Variants in HTR4 observed in about 807,000 individuals in gnomAD.
The protein encoded by HTR4 is 5-hydroxytryptamine receptor 4, also known as 5-hydroxytryptamine (serotonin) receptor 4, G protein-coupled.
A neutral mutation model predicts 36.8 loss-of-function variants in HTR4; 16 were observed. That is an observed-to-expected ratio of 0.43 (90% CI 0.29 to 0.66). The LOEUF is 0.66. Ranked by LOEUF, HTR4 falls within the 30% of genes least tolerant of loss-of-function variation. The pLI, the probability that HTR4 is intolerant of heterozygous loss-of-function variation, is 0.13. For missense variants in HTR4, 438 were observed against 490.9 expected (o/e 0.89, Z 1.02); for synonymous variants, 189 against 185.1 (o/e 1.02, Z -0.17).
At chr5:148,651,668 C>CTGCATG (rs1316954844) in intron 1 of HTR4, among the ~76,000 whole-genome samples, 4 of 151,660 alleles carry the variant, frequency 2.6e-5, no homozygotes, top group Non-Finnish European at 4.4e-5. Flanking sequence ...TCCTGAACTA[C>CTGCATG]TGCATGCTGT....
intron 1 of HTR4, among the ~76,000 whole-genome samples, chr5:148,650,297 G>A (rs1389131785): frequency 6.6e-6 from 1 of 152,082 alleles, no homozygotes; most frequent in Admixed American, 6.6e-5. Context: ...CTGTGAACTT[G>A]TTGACATAGC....
At chr5:148,505,170 C>T (rs1247334638) in intron 6 of HTR4, among the ~76,000 whole-genome samples, 2 of 152,148 alleles carry the variant, frequency 1.3e-5, no homozygotes, top group Non-Finnish European at 2.9e-5. Context: ...AAAGCTTATC[C>T]ACCATAATCA....
intron 6 of HTR4, chr5:148,484,393 A>C (rs1561571499): frequency 8.7e-6 from 14 of 1,606,896 alleles, no homozygotes; most frequent in Non-Finnish European, 1.1e-5. Flanking sequence ...GCAGATAAAG[A>C]AATTATTTGG....
At chr5:148,522,206 T>G (rs535926009) in intron 5 of HTR4, among the ~76,000 whole-genome samples, 2 of 152,278 alleles carry the variant, frequency 1.3e-5, no homozygotes, top group East Asian at 3.9e-4. Flanking sequence ...GAACTGTGAG[T>G]CCATTAAGCC....
chr5:148,574,573 T>C (rs75682627), intron 2 of HTR4, among the ~76,000 whole-genome samples: 3,359 of 152,180 alleles, frequency 0.022, 128 homozygotes, highest in African/African-American at 0.076. Flanking sequence ...TTCAAAAAGA[T>C]TAATTTGATT....
chr5:148,622,719 G>T (rs889165311), intron 2 of HTR4, among the ~76,000 whole-genome samples: 1 of 152,058 alleles, frequency 6.6e-6, no homozygotes, highest in Non-Finnish European at 1.5e-5. Context: ...CCCTTATTTT[G>T]CTAGATATTG....
At chr5:148,468,883 T>A (rs186523151) in intron 5 of HTR4, among the ~76,000 whole-genome samples, 1 of 152,248 alleles carries the variant, frequency 6.6e-6, no homozygotes, top group Non-Finnish European at 1.5e-5. Context: ...TCATGAGATC[T>A]GATAGTTTTA....
intron 2 of HTR4, among the ~76,000 whole-genome samples, chr5:148,619,685 G>A (rs1752843545): frequency 6.6e-6 from 1 of 152,136 alleles, no homozygotes; most frequent in African/African-American, 2.4e-5. Context: ...CCACAGAGGA[G>A]GATGTCCCCA....
chr5:148,490,605 C>T, intron 6 of HTR4: 1 of 1,166,786 alleles, frequency 8.6e-7, no homozygotes, highest in South Asian at 1.7e-5. Flanking sequence ...CTCACCTCTT[C>T]CCCAGAAATG....
At chr5:148,600,599 C>A (rs951048335) in intron 2 of HTR4, among the ~76,000 whole-genome samples, 2 of 151,340 alleles carry the variant, frequency 1.3e-5, no homozygotes, top group Non-Finnish European at 3.0e-5. Context: ...CCAGAAAAAA[C>A]AAATTAAGAA....
At chr5:148,517,096 T>A (rs185860220) in intron 5 of HTR4, among the ~76,000 whole-genome samples, 1 of 152,336 alleles carries the variant, frequency 6.6e-6, no homozygotes, top group African/African-American at 2.4e-5. Flanking sequence ...TAATTCAGTA[T>A]GTTTTATTTA....
intron 4 of HTR4, among the ~76,000 whole-genome samples, chr5:148,532,783 G>A (rs890230133): frequency 5.3e-5 from 8 of 152,212 alleles, no homozygotes; most frequent in African/African-American, 1.9e-4. Context: ...AAGGCTGACT[G>A]GGGCACGTCT....
intron 6 of HTR4, among the ~76,000 whole-genome samples, chr5:148,505,659 G>C (rs986975891): frequency 3.3e-5 from 5 of 152,018 alleles, no homozygotes; most frequent in Non-Finnish European, 5.9e-5. Context: ...TAAGCTGATA[G>C]GCAACTTCAG....
chr5:148,618,283 GC>G (rs1752779395), intron 2 of HTR4, among the ~76,000 whole-genome samples: 1 of 152,146 alleles, frequency 6.6e-6, no homozygotes, highest in African/African-American at 2.4e-5. Context: ...TTCCCCAAAA[GC>G]AAAATCAGGG....
intron 2 of HTR4, among the ~76,000 whole-genome samples, chr5:148,636,501 G>A (rs17706966): frequency 0.078 from 11,812 of 152,104 alleles, 567 homozygotes; most frequent in Non-Finnish European, 0.11. Context: ...GAAAATTACA[G>A]GAAAACAAAT....
At position 148,551,558 on chromosome 5, in the gene HTR4, T is replaced by C. The variant is rs549911686; in HGVS notation, c.27-1296A>G. On this transcript the variant is annotated intron_variant, in intron 2 of 6. Transcript: ENST00000377888. Reference sequence around the variant, plus strand: ...TGAAAGCATGATATCTGCAGATTAATATTCAGAAGCTATAGGGATTTTAAA... The same window carrying C: ...TGAAAGCATGATATCTGCAGATTAACATTCAGAAGCTATAGGGATTTTAAA... Among the ~76,000 whole-genome samples the C allele has an allele frequency of 2.0e-5, 3 of 152,364 alleles. No individual in the cohort carries two copies. The South Asian group carries it at 6.2e-4, about 32-fold the overall frequency.
intron 1 of HTR4, among the ~76,000 whole-genome samples, chr5:148,648,545 G>A (rs150783522): frequency 6.6e-6 from 1 of 152,316 alleles, no homozygotes; most frequent in East Asian, 1.9e-4. Context: ...CACAGTATGT[G>A]ATTCTCCATC....
At chr5:148,536,629 T>A (rs1475471034) in intron 4 of HTR4, among the ~76,000 whole-genome samples, 1 of 151,972 alleles carries the variant, frequency 6.6e-6, no homozygotes, top group Non-Finnish European at 1.5e-5. Context: ...CTAACAAAGA[T>A]CAAAAAGCAC....
In HTR4 at chr5:148,500,568, TA is replaced by T. The variant is rs1251701766; in HGVS notation, c.1076+8887del. On this transcript the variant is annotated intron_variant, in intron 6 of 6. Coordinates refer to ENST00000377888, the MANE Select transcript of HTR4 (RefSeq NM_000870.7). The stretch of plus-strand genomic sequence containing the variant: ...CTGTAAGTCAAAAGTTAACCAAAGT[TA>T]AAAAGCAAGCAGGAGATGGGGAGGT... Among the ~76,000 whole-genome samples, 12 of 151,628 alleles carry T rather than the reference TA, an allele frequency of 7.9e-5. 1 individual carries two copies. The highest frequency in any genetic ancestry group is 2.9e-4 in the African/African-American group (12 of 41,328).
Sources: gnomAD v4.1 joint callset for allele counts (sites outside exome capture counted in the v4.1 genomes callset) on GRCh38, gnomAD v4.1.1 for gene constraint, MANE v1.5 for transcripts, NCBI Gene and HGNC (gene_info 2026-07-23, HGNC 2026-07-21) for gene names.